The following USH1C variants were observed in gnomAD, a reference collection of about 807,000 sequenced individuals.
USH1C encodes the protein USH1 protein network component harmonin, also known as harmonin.
In USH1C, 90 loss-of-function variants were observed where a neutral mutation model predicts 119.3. The ratio of observed to expected loss-of-function variants is 0.75; its 90% CI spans 0.64 to 0.90. The LOEUF is 0.90. Ranked by LOEUF, USH1C falls within the 40% of genes least tolerant of loss-of-function variation. The pLI is 0.00. For missense variants in USH1C, 1,165 were observed against 1,167.7 expected, an observed-to-expected ratio of 1.00 and a Z score of 0.03; for synonymous variants, 465 against 443.3, an observed-to-expected ratio of 1.05 and a Z score of -0.62.
In USH1C at chr11:17,527,212, G is replaced by GAGTACTGCCCTGCTCCCCCGC; in HGVS notation, c.496+10_496+11insGCGGGGGAGCAGGGCAGTACT. The GAGTACTGCCCTGCTCCCCCGC allele has an allele frequency of 2.2e-6, 3 of 1,392,786 alleles. No homozygotes were observed. Among genetic ancestry groups the GAGTACTGCCCTGCTCCCCCGC allele is most frequent in the East Asian group, 3.2e-5 (1 of 31,132 alleles). 86.3% of individuals were successfully genotyped at this position (1,392,786 alleles called of 1,614,324 possible). ...CGTCATGGAGTACTGCCCTGCTCTG[G>GAGTACTGCCCTGCTCCCCCGC]CCTCACTCACGTCTCACTTTGATGG... On this transcript the variant is annotated intron_variant, in intron 5 of 26. Coordinates refer to ENST00000005226, the MANE Select transcript of USH1C (RefSeq NM_153676.4).
At chr11:17,541,972 C>T (rs968661575) in intron 1 of USH1C, among the ~76,000 whole-genome samples, 2 of 152,136 alleles carry the variant, frequency 1.3e-5, no homozygotes, top group African/African-American at 4.8e-5. Context: ...AGATTTGGTC[C>T]CAGTTCTGCT....
rs376443937 is a variant in USH1C, at chr11:17,530,882, G to T, written c.387+272C>A. ...TCCTCTCTTGGGGAGTAGGGGAGGT[G>T]GGGGGAAGTGCAGCGGCAGCAGCTG... On this transcript the variant is annotated intron_variant, in intron 4 of 26. Coordinates refer to ENST00000005226, the MANE Select transcript of USH1C (RefSeq NM_153676.4). 2.8e-3 allele frequency among the ~76,000 whole-genome samples: 429 copies of T among 152,310 alleles called. 3 individuals carry two copies. The highest frequency in any genetic ancestry group is 9.2e-3 in the African/African-American group (383 of 41,574).
At chr11:17,524,752 A>C (rs753923659) in intron 8 of USH1C, among the ~76,000 whole-genome samples, 2 of 152,086 alleles carry the variant, frequency 1.3e-5, no homozygotes, top group Non-Finnish European at 2.9e-5. Flanking sequence ...AATATACCTC[A>C]TATGCTGTTT....
At chr11:17,504,598 G>C in intron 20 of USH1C, 49 bp downstream of exon 20, 1 of 1,599,308 alleles carries the variant, frequency 6.3e-7, no homozygotes, top group Non-Finnish European at 8.6e-7. Context: ...GAGTGGGAGG[G>C]ACGGGGGTGG....
chr11:17,521,040 A>AG, intron 13 of USH1C, 46 bp from the exon 14 acceptor site: 1 of 1,611,944 alleles, frequency 6.2e-7, no homozygotes, highest in Non-Finnish European at 8.5e-7. Context: ...GAACCCCCAT[A>AG]GGCCCATCTC....
intron 19 of USH1C, 103 bp downstream of exon 19, chr11:17,505,727 T>A: frequency 6.5e-7 from 1 of 1,547,622 alleles, no homozygotes; most frequent in Non-Finnish European, 8.8e-7. Flanking sequence ...GTGATCTGCA[T>A]TTTTGTCCCA....
chr11:17,526,994 C>T (rs1282696664), intron 6 of USH1C, 22 bp downstream of exon 6: 1 of 1,563,482 alleles, frequency 6.4e-7, no homozygotes, highest in Admixed American at 1.9e-5. Flanking sequence ...AAGAGTTGGC[C>T]TGCAGAGGAG....
intron 4 of USH1C, among the ~76,000 whole-genome samples, chr11:17,530,574 C>A (rs1334184008): frequency 6.6e-6 from 1 of 152,210 alleles, no homozygotes; most frequent in Admixed American, 6.5e-5. Context: ...ATTTGTATGC[C>A]AGGCCCTGCT....
Position 17,531,661 on chromosome 11 carries a change from C to T in USH1C, c.105-119G>A. On this transcript the variant is annotated intron_variant, in intron 2 of 26. Transcript: ENST00000005226. The surrounding 1 kb of genome is among the most constrained non-coding windows in gnomAD (Gnocchi z 4.2). ...CCAGGCTTAGGAATGGAGTAGACCA[C>T]TCCTGAAAAGCCCAGAGCTCTTCAC... 2.2e-6 allele frequency: 3 copies of T among 1,347,906 alleles called. No individual in the cohort carries two copies. Among genetic ancestry groups the T allele is most frequent in the Non-Finnish European group, 3.1e-6 (3 of 975,906 alleles). 83.5% of individuals were successfully genotyped at this position (1,347,906 alleles called of 1,614,324 possible).
In USH1C at chr11:17,509,686, C is replaced by T; in HGVS notation, c.1683G>A (p.Leu561=). ...AGGGTGGAGGGTGGGGCATCACAGG[C>T]AAGGCAGAGGGAGTCTTGGGGGGAT... ...FYYPPKTPSA[L]PVMPHPPPSN... is the part of the protein sequence containing the mutation. Residue 561 remains leucine (L), a synonymous_variant, in exon 18 of 27, where the codon TTG becomes TTA. Coordinates refer to ENST00000005226, the MANE Select transcript of USH1C (RefSeq NM_153676.4). The T allele has an allele frequency of 1.3e-6, 2 of 1,597,594 alleles. No homozygotes were observed. Among genetic ancestry groups the T allele is most frequent in the Non-Finnish European group, 1.7e-6 (2 of 1,178,372 alleles).
In USH1C at chr11:17,531,972, C is replaced by T. The variant is rs1364961767; in HGVS notation, c.105-430G>A. ...TCCCTCATGCTGTTCAGACCTTCGACTGCAGCTGCCTGCCCATGTACTCAC... is the reference window on the plus strand; with the variant it reads ...TCCCTCATGCTGTTCAGACCTTCGATTGCAGCTGCCTGCCCATGTACTCAC... On this transcript the variant is annotated intron_variant, in intron 2 of 26. Coordinates refer to ENST00000005226, the MANE Select transcript of USH1C (RefSeq NM_153676.4). The surrounding 1 kb of genome is among the most constrained non-coding windows in gnomAD (Gnocchi z 4.2). Among the ~76,000 whole-genome samples the T allele has an allele frequency of 6.6e-6, 1 of 152,242 alleles. No individual in the cohort carries two copies. The highest frequency in any genetic ancestry group is 2.4e-5 in the African/African-American group (1 of 41,466).
chr11:17,496,999 G>A lies in USH1C; in HGVS notation c.2491-186C>T, dbSNP rs75734908. 7.7e-4 allele frequency: 470 copies of A among 610,542 alleles called. 2 individuals are homozygous for A. The African/African-American group carries it at 7.8e-3, about 10-fold the overall frequency. 37.8% of individuals were successfully genotyped at this position (610,542 alleles called of 1,614,324 possible). A position where few individuals can be genotyped will look rare whatever the true frequency, so the allele number is the denominator to read the frequency against. The stretch of plus-strand genomic sequence containing the variant: ...GGACGTTTCTAGTCTCTGAGGCTTC[G>A]GGACCATAGAGGACAGGGCTGCAAG... On this transcript the variant is annotated intron_variant, in intron 24 of 26. Coordinates refer to ENST00000005226, the MANE Select transcript of USH1C (RefSeq NM_153676.4).
chr11:17,523,564 G>A (rs769742961), intron 9 of USH1C, 86 bp from the exon 10 acceptor site: 13 of 1,337,026 alleles, frequency 9.7e-6, no homozygotes, highest in Non-Finnish European at 1.4e-5. Context: ...AGGGGCTCTG[G>A]GTCAGATGCT....
intron 26 of USH1C, among the ~76,000 whole-genome samples, chr11:17,495,311 C>T (rs1849206502): frequency 6.6e-6 from 1 of 152,234 alleles, no homozygotes; most frequent in Non-Finnish European, 1.5e-5. Context: ...AAGCAGGTCC[C>T]AGGGCCGTGA....
intron 1 of USH1C, among the ~76,000 whole-genome samples, chr11:17,543,424 C>A (rs544288611): frequency 2.0e-5 from 3 of 149,534 alleles, no homozygotes; most frequent in East Asian, 2.0e-4. Context: ...CCACCCCCCC[C>A]AAGCGGCTTC....
Position 17,509,607 on chromosome 11 carries a change from C to T in USH1C, c.1762G>A (p.Val588Met). ...ACCCATGGAGAGGATGAGGCGCTCA[C>T]ATGGCCAGATAAGGGAAGGACAGGG... ...APPVLPLSGH[V>M]SASSSPWVQR... The change falls in exon 18 of 27, where the codon GTG becomes ATG. Residue 588 changes from valine to methionine, a missense_variant. Val to Met is a conservative substitution (Grantham distance 21, BLOSUM62 1). Coordinates refer to ENST00000005226, the MANE Select transcript of USH1C (RefSeq NM_153676.4). The T allele has an allele frequency of 6.3e-7, 1 of 1,592,584 alleles. No individual in the cohort carries two copies. Among genetic ancestry groups the T allele is most frequent in the Non-Finnish European group, 8.5e-7 (1 of 1,174,730 alleles).
chr11:17,534,324 G>C (rs974241363), intron 1 of USH1C, among the ~76,000 whole-genome samples: 3 of 152,240 alleles, frequency 2.0e-5, no homozygotes, highest in African/African-American at 7.2e-5. Flanking sequence ...GACCGGGGCA[G>C]TCTGTCCGTC....
intron 11 of USH1C, 104 bp downstream of exon 11, chr11:17,523,107 C>T: frequency 6.3e-7 from 1 of 1,590,226 alleles, no homozygotes. Context: ...GTCAGAGCTT[C>T]AGGGAAGGAG....
In USH1C at chr11:17,494,855, G is replaced by A. The variant is rs542397704; in HGVS notation, c.2656-479C>T. On this transcript the variant is annotated intron_variant, in intron 26 of 26. Coordinates refer to ENST00000005226, the MANE Select transcript of USH1C (RefSeq NM_153676.4). ...ACAGCCACCTGCCAGCTCTGTCCAC[G>A]GGCACATCCCTATCACAGGGTGAGA... 74 of 262,680 alleles carry A rather than the reference G, an allele frequency of 2.8e-4. No individual in the cohort carries two copies. In the South Asian group the frequency reaches 2.9e-3, roughly 10 times the overall value. 16.3% of individuals were successfully genotyped at this position (262,680 alleles called of 1,614,324 possible).
Sources: allele counts gnomAD v4.1 joint callset (sites outside exome capture counted in the v4.1 genomes callset), GRCh38; gene constraint gnomAD v4.1.1; non-coding constraint Gnocchi (gnomAD v3.1); transcripts MANE v1.5; gene names NCBI Gene and HGNC (gene_info 2026-07-23, HGNC 2026-07-21).